Variants in SPATA7 observed in about 807,000 individuals in gnomAD.
The protein encoded by SPATA7 is spermatogenesis-associated protein 7.
In SPATA7, 43 loss-of-function variants were observed where a neutral mutation model predicts 51.8. The observed-to-expected ratio is 0.83, with a 90% CI of 0.65 to 1.07. The LOEUF (loss-of-function observed/expected upper bound fraction) is 1.07. Ranked by LOEUF, SPATA7 falls within the 50% of genes least tolerant of loss-of-function variation. SPATA7 has a pLI of 0.00. For missense variants in SPATA7, 683 were observed against 701.3 expected, an observed-to-expected ratio of 0.97 and a Z score of 0.30; for synonymous variants, 230 against 252.8, an observed-to-expected ratio of 0.91 and a Z score of 0.86.
chr14:88,464,005 TAA>T (rs2077335476), intron 4 of SPATA7, among the ~76,000 whole-genome samples: 1 of 151,916 alleles, frequency 6.6e-6, no homozygotes, highest in Non-Finnish European at 1.5e-5. Flanking sequence ...CATGCCCAGC[TAA>T]GTTTTGTATT....
chr14:88,409,893 T>C (rs1194096193), intron 4 of SPATA7, among the ~76,000 whole-genome samples: 2 of 152,186 alleles, frequency 1.3e-5, no homozygotes, highest in African/African-American at 2.4e-5. Context: ...CATGTAGTTG[T>C]GTGGCTTTGA....
intron 3 of SPATA7, among the ~76,000 whole-genome samples, chr14:88,447,191 AG>A (rs535886185): frequency 0.033 from 4,863 of 149,400 alleles, 225 homozygotes; most frequent in African/African-American, 0.12. Context: ...ATATATATTT[AG>A]GATAGTTAGC....
intron 4 of SPATA7, among the ~76,000 whole-genome samples, chr14:88,405,334 T>C (rs1181293216): frequency 6.6e-6 from 1 of 152,154 alleles, no homozygotes; most frequent in Non-Finnish European, 1.5e-5. Context: ...TTGCAAGCCA[T>C]TGGAGGGTCT....
chr14:88,418,274 C>G (rs1335157144), intron 5 of SPATA7, among the ~76,000 whole-genome samples: 1 of 148,092 alleles, frequency 6.8e-6, no homozygotes, highest in Non-Finnish European at 1.5e-5. Context: ...ATTTCCCTCT[C>G]TCTGGGTTTA....
chr14:88,446,096 G>A lies in SPATA7; in HGVS notation c.177+8193G>A, dbSNP rs2077210120. On this transcript the variant is annotated intron_variant, in intron 3 of 3. Transcript: ENST00000554802. ...CTCCTTGTACCTCTGGTAGAATTCG[G>A]CTGTGAATCCATCTGGTCCTGGACT... is the stretch of plus-strand genomic sequence containing the variant. Among the ~76,000 whole-genome samples the A allele has an allele frequency of 2.0e-5, 3 of 152,118 alleles. No individual in the cohort carries two copies. The South Asian group carries it at 6.2e-4, about 32-fold the overall frequency.
chr14:88,470,137 GTT>G, exon 5 of SPATA7: 38 of 1,398,180 alleles, frequency 2.7e-5, no homozygotes, highest in Non-Finnish European at 3.7e-5. Flanking sequence ...TACTAAAAAA[GTT>G]TTTTTAAAAA....
intron 4 of SPATA7, among the ~76,000 whole-genome samples, chr14:88,403,062 G>T (rs2076113825): frequency 6.6e-6 from 1 of 150,986 alleles, no homozygotes; most frequent in African/African-American, 2.4e-5. Context: ...GCCAATAAGT[G>T]TATGAAAAGG....
At chr14:88,420,635 A>G (rs2076615559) in intron 5 of SPATA7, among the ~76,000 whole-genome samples, 1 of 152,114 alleles carries the variant, frequency 6.6e-6, no homozygotes. Flanking sequence ...ATAAGCCCAC[A>G]TGTTCCTATC....
chr14:88,438,468 TTTC>T (rs769231328), downstream of SPATA7: 6 of 1,375,526 alleles, frequency 4.4e-6, no homozygotes, highest in Non-Finnish European at 4.1e-6. Flanking sequence ...CAATATTACT[TTTC>T]TTCCTTTTTT....
chr14:88,463,892 A>G (rs56963036), intron 4 of SPATA7, among the ~76,000 whole-genome samples: 5,766 of 151,978 alleles, frequency 0.038, 357 homozygotes, highest in African/African-American at 0.13. Context: ...CTGTCACCCA[A>G]GCTGGAGTGC....
chr14:88,423,976 A>G (rs2076719655), intron 5 of SPATA7, among the ~76,000 whole-genome samples: 1 of 152,190 alleles, frequency 6.6e-6, no homozygotes, highest in Admixed American at 6.5e-5. Context: ...TCTTGACATG[A>G]AAGTATGATG....
At chr14:88,413,357 T>C (rs77889806) in intron 4 of SPATA7, among the ~76,000 whole-genome samples, 1 of 152,214 alleles carries the variant, frequency 6.6e-6, no homozygotes, top group Non-Finnish European at 1.5e-5. Flanking sequence ...TTGAATATCA[T>C]TGGTGTATAG....
chr14:88,404,698 CAA>C (rs1425891554), intron 4 of SPATA7, among the ~76,000 whole-genome samples: 1 of 152,108 alleles, frequency 6.6e-6, no homozygotes, highest in East Asian at 1.9e-4. Context: ...GCCTGGGCAA[CAA>C]GAGTGAAACT....
intron 4 of SPATA7, among the ~76,000 whole-genome samples, chr14:88,397,767 C>A (rs760311807): frequency 1.2e-4 from 18 of 151,978 alleles, no homozygotes; most frequent in Non-Finnish European, 2.5e-4. Context: ...AATTTGAAAA[C>A]CCTGTTTAAA....
chr14:88,445,014 C>G (rs1341080619), intron 3 of SPATA7, among the ~76,000 whole-genome samples: 1 of 151,984 alleles, frequency 6.6e-6, no homozygotes. Context: ...TTTTCCAGTT[C>G]TGTGAAGAAA....
intron 4 of SPATA7, among the ~76,000 whole-genome samples, chr14:88,400,382 A>T (rs898767686): frequency 6.6e-6 from 1 of 152,224 alleles, no homozygotes; most frequent in African/African-American, 2.4e-5. Flanking sequence ...GGGGATCTCA[A>T]ACAACTCAAC....
At chr14:88,407,847 CTGTT>C (rs929726808) in intron 4 of SPATA7, among the ~76,000 whole-genome samples, 6 of 152,178 alleles carry the variant, frequency 3.9e-5, no homozygotes, top group African/African-American at 1.4e-4. Flanking sequence ...TTTCCCAACA[CTGTT>C]TGTTAAATAG....
chr14:88,414,311 A>G (rs1329287173), intron 4 of SPATA7, among the ~76,000 whole-genome samples: 1 of 152,090 alleles, frequency 6.6e-6, no homozygotes, highest in Non-Finnish European at 1.5e-5. Flanking sequence ...CCAGAAATTT[A>G]TCTATTTCCT....
At chr14:88,459,247 G>A (rs1386177989), downstream of SPATA7, among the ~76,000 whole-genome samples, 2 of 152,198 alleles carry the variant, frequency 1.3e-5, no homozygotes, top group Non-Finnish European at 2.9e-5. Context: ...TCTGCTTGGT[G>A]CAGAGCTGAG....
Sources: allele counts gnomAD v4.1 joint callset (sites outside exome capture counted in the v4.1 genomes callset), GRCh38; gene constraint gnomAD v4.1.1; transcripts MANE v1.5; gene names NCBI Gene and HGNC (gene_info 2026-07-23, HGNC 2026-07-21).